Variants in PGLYRP4 observed in about 807,000 individuals in gnomAD.
The protein encoded by PGLYRP4 is PGRP-I-beta.
In PGLYRP4, 39 loss-of-function variants were observed where a neutral mutation model predicts 41.2. That is an observed-to-expected ratio of 0.95 (90% CI 0.73 to 1.24). The LOEUF (loss-of-function observed/expected upper bound fraction) is 1.24, where lower values mean the gene tolerates loss of function less well. Ranked by LOEUF, PGLYRP4 falls within the 50% of genes most tolerant of loss-of-function variation. The probability of loss-of-function intolerance (pLI) is 0.00; values close to 1 mark genes in which losing one functional copy is unlikely to be tolerated. For missense variants in PGLYRP4, 467 were observed against 460.7 expected (o/e 1.01, Z -0.13); for synonymous variants, 202 against 186.8 (o/e 1.08, Z -0.66).
At chr1:153,344,181 CA>C in intron 4 of PGLYRP4, among the ~76,000 whole-genome samples, 1 of 152,344 alleles carries the variant, frequency 6.6e-6, no homozygotes, top group African/African-American at 2.4e-5. Flanking sequence ...CTAACTTGGC[CA>C]AAAGCCTCTC....
intron 8 of PGLYRP4, among the ~76,000 whole-genome samples, chr1:153,332,129 A>C (rs956416563): frequency 2.0e-5 from 3 of 152,210 alleles, no homozygotes; most frequent in African/African-American, 7.2e-5. Context: ...AAGATATTTC[A>C]TGTAAATGGA....
intron 8 of PGLYRP4, among the ~76,000 whole-genome samples, chr1:153,331,422 T>C (rs970036214): frequency 6.6e-6 from 1 of 152,198 alleles, no homozygotes; most frequent in Admixed American, 6.5e-5. Context: ...AATCACAATG[T>C]ACTGCCTGTA....
In PGLYRP4 at chr1:153,346,109, AG is replaced by A; in HGVS notation, c.131del (p.Thr44MetfsTer29). ...TATCCAGATCCAGTTTACCTTTTTC[AG>A]TGAGCTGGGAGATGTTCTCAAATAG... ...QYLFENISQL[T>X]EKGLPTDVST... On this transcript the variant is annotated frameshift_variant, in exon 3 of 9. Coordinates refer to ENST00000359650, the MANE Select transcript of PGLYRP4 (RefSeq NM_020393.4). LOFTEE classifies it high-confidence loss of function. 6.2e-7 allele frequency: 1 copy of A among 1,610,666 alleles called. No individual in the cohort carries two copies. The highest frequency in any genetic ancestry group is 1.3e-5 in the African/African-American group (1 of 74,944).
chr1:153,340,393 T>C lies in PGLYRP4; in HGVS notation c.812A>G (p.Asp271Gly). The change falls in exon 7 of 9, where the codon GAC (aspartate) becomes GGC (glycine). Residue 271 changes from aspartate to glycine, a missense_variant. Asp to Gly is a moderately conservative substitution (Grantham distance 94). Coordinates refer to ENST00000359650, the MANE Select transcript of PGLYRP4 (RefSeq NM_020393.4). ...SFYIDRLKSC[D>G]IGYNFLVGQD... ...CAGACCCACTCACTTATAACCAATG[T>C]CGCATGACTTGAGCCTGTCTATGTA... The C allele has an allele frequency of 6.2e-7, 1 of 1,614,090 alleles. No individual in the cohort carries two copies. Among genetic ancestry groups the C allele is most frequent in the Non-Finnish European group, 8.5e-7 (1 of 1,179,972 alleles).
Position 153,346,178 on chromosome 1 carries a change from C to A in PGLYRP4, c.63G>T (p.Trp21Cys), listed in dbSNP as rs1420445253. 6.2e-7 allele frequency: 1 copy of A among 1,613,512 alleles called. No homozygotes were observed. Among genetic ancestry groups the A allele is most frequent in the Non-Finnish European group, 8.5e-7 (1 of 1,179,440 alleles). The change falls in exon 3 of 9, where the codon TGG (tryptophan) becomes TGT (cysteine). Residue 21 changes from tryptophan (W) to cysteine (C), a missense_variant. Transcript: ENST00000359650. Reference protein sequence around the residue: ...LGIQAWGDSSWNKTQAKQVSE... With the variant: ...LGIQAWGDSSCNKTQAKQVSE... ...ATACCTGTTTAGCTTGTGTTTTGTT[C>A]CAGGAGGAATCACCTGCAAAGGAAT...
intron 2 of PGLYRP4, among the ~76,000 whole-genome samples, chr1:153,347,017 A>G (rs976786314): frequency 3.9e-5 from 6 of 152,286 alleles, no homozygotes; most frequent in African/African-American, 1.2e-4. Flanking sequence ...TGTACAATCT[A>G]TTCTTTCTCC....
Position 153,337,233 on chromosome 1 carries a change from G to C in PGLYRP4, c.891C>G (p.Thr297=). The C allele has an allele frequency of 1.9e-6, 3 of 1,613,880 alleles. No individual in the cohort carries two copies. The highest frequency in any genetic ancestry group is 2.5e-6 in the Non-Finnish European group (3 of 1,179,868). Reference sequence around the variant, plus strand: ...CCAGGGCAATGTCATCGTAGCCAGGGGTGGAGGAGCCTTGGACATTCCAGC... The same window carrying C: ...CCAGGGCAATGTCATCGTAGCCAGGCGTGGAGGAGCCTTGGACATTCCAGC... The part of the protein sequence containing the change: ...GVGWNVQGSS[T]PGYDDIALGI... The change falls in exon 8 of 9, where the codon ACC becomes ACG. Residue 297 remains threonine (T), a synonymous_variant. Transcript: ENST00000359650.
intron 4 of PGLYRP4, 90 bp from the exon 5 acceptor site, chr1:153,343,298 G>A: frequency 4.8e-6 from 4 of 828,726 alleles, no homozygotes; most frequent in East Asian, 5.0e-5. Flanking sequence ...AAATGGAGAA[G>A]GACTGAAGCT....
At chr1:153,344,878 G>T in intron 4 of PGLYRP4, 1 of 275,996 alleles carries the variant, frequency 3.6e-6, no homozygotes, top group Non-Finnish European at 7.0e-6. Flanking sequence ...TCATGTATGA[G>T]GAAGTCGTTT....
Position 153,342,560 on chromosome 1 carries a change from G to C in PGLYRP4, c.472+530C>G, listed in dbSNP as rs1660843317. 2.6e-5 allele frequency among the ~76,000 whole-genome samples: 4 copies of C among 152,230 alleles called. No individual in the cohort carries two copies. The South Asian group carries it at 8.3e-4, about 32-fold the overall frequency. Reference sequence around the variant, plus strand: ...AAAGGAATGGTCCTGGAGTACATATGTTAAGATGCATGTGGCAAGGGGCCT... The same window carrying C: ...AAAGGAATGGTCCTGGAGTACATATCTTAAGATGCATGTGGCAAGGGGCCT... On this transcript the variant is annotated intron_variant, in intron 5 of 8. Coordinates refer to ENST00000359650, the MANE Select transcript of PGLYRP4 (RefSeq NM_020393.4).
At chr1:153,335,331 C>G (rs1458197319) in intron 8 of PGLYRP4, among the ~76,000 whole-genome samples, 1 of 152,118 alleles carries the variant, frequency 6.6e-6, no homozygotes, top group Non-Finnish European at 1.5e-5. Context: ...CTACAAGGAA[C>G]TCAAACAACT....
At chr1:153,335,608 C>G (rs1660521995) in intron 8 of PGLYRP4, among the ~76,000 whole-genome samples, 1 of 152,032 alleles carries the variant, frequency 6.6e-6, no homozygotes, top group Non-Finnish European at 1.5e-5. Flanking sequence ...ACCTGTAGTC[C>G]TAGCTACTCG....
At chr1:153,332,210 A>G (rs1309278507) in intron 8 of PGLYRP4, among the ~76,000 whole-genome samples, 2 of 152,180 alleles carry the variant, frequency 1.3e-5, no homozygotes, top group Non-Finnish European at 2.9e-5. Context: ...AGTTAAAAAA[A>G]AAGATAAGGA....
chr1:153,340,588 G>T lies in PGLYRP4; in HGVS notation c.626-9C>A, dbSNP rs1183306208. ...GACAACGCCGGGGCAAGCTGAGGTGGGGCGAGAAACCACAGAGGGTTCATC... is the reference window on the plus strand; with the variant it reads ...GACAACGCCGGGGCAAGCTGAGGTGTGGCGAGAAACCACAGAGGGTTCATC... On this transcript the variant is annotated splice_polypyrimidine_tract_variant and intron_variant, in intron 6 of 8. Coordinates refer to ENST00000359650, the MANE Select transcript of PGLYRP4 (RefSeq NM_020393.4). 1 of 1,612,912 alleles carries T rather than the reference G, an allele frequency of 6.2e-7. No individual in the cohort carries two copies.
At chr1:153,334,451 A>AATATATATATTTATAT (rs1571125896) in intron 8 of PGLYRP4, among the ~76,000 whole-genome samples, 2 of 85,244 alleles carry the variant, frequency 2.3e-5, no homozygotes, top group Non-Finnish European at 5.6e-5. Context: ...TGTGTGTATA[A>AATATATATATTTATAT]ATATATATAT....
chr1:153,340,198 C>T (rs1330421114), intron 7 of PGLYRP4, among the ~76,000 whole-genome samples, 183 bp downstream of exon 7: 2 of 152,154 alleles, frequency 1.3e-5, no homozygotes, highest in Admixed American at 6.5e-5. Context: ...CAAATGACTA[C>T]CCCCTTGGCT....
chr1:153,337,614 A>G (rs943512221), intron 7 of PGLYRP4, among the ~76,000 whole-genome samples: 5 of 152,102 alleles, frequency 3.3e-5, no homozygotes, highest in African/African-American at 1.2e-4. Flanking sequence ...AAATTCCAGA[A>G]TCTCTAACAA....
rs148847664 is a variant in PGLYRP4 at position 153,340,394 on chromosome 1, C to T, written c.811G>A (p.Asp271Asn). Reference protein sequence around the residue: ...SFYIDRLKSCDIGYNFLVGQD... With the variant: ...SFYIDRLKSCNIGYNFLVGQD... ...AGACCCACTCACTTATAACCAATGTCGCATGACTTGAGCCTGTCTATGTAG... is the reference window on the plus strand; with the variant it reads ...AGACCCACTCACTTATAACCAATGTTGCATGACTTGAGCCTGTCTATGTAG... Residue 271 changes from aspartate to asparagine, a missense_variant, in exon 7 of 9, where the codon GAC (aspartate) becomes AAC (asparagine). Coordinates refer to ENST00000359650, the MANE Select transcript of PGLYRP4 (RefSeq NM_020393.4). The T allele has an allele frequency of 5.0e-5, 81 of 1,613,944 alleles. No individual in the cohort carries two copies. The Admixed American group carries it at 1.2e-3, about 24-fold the overall frequency.
At chr1:153,333,605 C>A (rs1660424660) in intron 8 of PGLYRP4, among the ~76,000 whole-genome samples, 1 of 152,064 alleles carries the variant, frequency 6.6e-6, no homozygotes. Flanking sequence ...GGTAAGGACA[C>A]AACAACAACA....
Sources: allele counts gnomAD v4.1 joint callset (sites outside exome capture counted in the v4.1 genomes callset), GRCh38; gene constraint gnomAD v4.1.1; transcripts MANE v1.5; gene names NCBI Gene and HGNC (gene_info 2026-07-23, HGNC 2026-07-21).